Variants in SCAP observed in about 807,000 individuals in gnomAD.
SCAP encodes sterol regulatory element-binding protein cleavage-activating protein.
SCAP carries 65 observed loss-of-function variants against 123.6 expected under a neutral mutation model. That is an observed-to-expected ratio of 0.53 (90% CI 0.43 to 0.65). SCAP has a LOEUF of 0.65. SCAP is among the 30% of genes least tolerant of loss of function. SCAP has a pLI of 0.00. For synonymous variants in SCAP, 740 were observed against 726.3 expected (o/e 1.02, Z -0.30); for missense variants, 1,398 against 1,712.5 (o/e 0.82, Z 3.24).
intron 3 of SCAP, 65 bp downstream of exon 3, chr3:47,434,943 C>A: frequency 6.2e-7 from 1 of 1,604,934 alleles, no homozygotes; most frequent in Non-Finnish European, 8.5e-7. Flanking sequence ...CACTGGCAGA[C>A]CCCTGCCTCA....
intron 1 of SCAP, among the ~76,000 whole-genome samples, chr3:47,450,981 G>A (rs1157373412): frequency 8.3e-6 from 1 of 120,530 alleles, no homozygotes; most frequent in African/African-American, 2.8e-5. Flanking sequence ...CGTGTAGCTA[G>A]GATTACAGGC....
chr3:47,416,183 T>C (rs1351110268), intron 18 of SCAP, among the ~76,000 whole-genome samples: 1 of 152,142 alleles, frequency 6.6e-6, no homozygotes, highest in African/African-American at 2.4e-5. Context: ...GAGGAGCCAG[T>C]GTGGGACAGG....
intron 2 of SCAP, among the ~76,000 whole-genome samples, chr3:47,438,073 T>G (rs1432023818): frequency 2.6e-5 from 4 of 152,218 alleles, no homozygotes; most frequent in Non-Finnish European, 4.4e-5. Context: ...CAGTGGTATC[T>G]CAGCATGGTT....
intron 1 of SCAP, among the ~76,000 whole-genome samples, chr3:47,467,599 T>A (rs1406512096): frequency 6.7e-6 from 1 of 148,328 alleles, no homozygotes; most frequent in Non-Finnish European, 1.5e-5. Flanking sequence ...GAAGACCCCG[T>A]CTCAAGAAAA....
In SCAP at chr3:47,428,499, C is replaced by G. The variant is rs374777441; in HGVS notation, c.410+14G>C. On this transcript the variant is annotated intron_variant, in intron 4 of 22. Transcript: ENST00000265565. The stretch of plus-strand genomic sequence containing the variant: ...AATGGGATTCAGGGAGGCCAGGGTC[C>G]CTGAGAGGGGTACCTGTCTCTCAGC... 4 of 1,613,014 alleles carry G rather than the reference C, an allele frequency of 2.5e-6. No individual in the cohort carries two copies. In the African/African-American group the frequency reaches 4.0e-5, roughly 16 times the overall value.
In SCAP at chr3:47,420,319, A is replaced by G. The variant is rs1705835597; in HGVS notation, c.1563+235T>C. 1.3e-5 allele frequency among the ~76,000 whole-genome samples: 2 copies of G among 152,226 alleles called. No homozygotes were observed. Among genetic ancestry groups the G allele is most frequent in the East Asian group, 3.9e-4 (2 of 5,182 alleles). Reference sequence around the variant, plus strand: ...TGTCCTGGGCCACTCTGGGGAGAGGATGGCTCCTGTACCTGAGAACCCTGG... The same window carrying G: ...TGTCCTGGGCCACTCTGGGGAGAGGGTGGCTCCTGTACCTGAGAACCCTGG... On this transcript the variant is annotated intron_variant, in intron 12 of 22. Transcript: ENST00000265565. This position sits in a 1 kb window ranked among gnomAD's most constrained non-coding sequence, Gnocchi z 5.0.
At chr3:47,415,946 G>A (rs1705551374) in intron 18 of SCAP, among the ~76,000 whole-genome samples, 2 of 152,208 alleles carry the variant, frequency 1.3e-5, no homozygotes, top group South Asian at 4.1e-4. Context: ...AAAACAAGCA[G>A]CAAAGGAGAA....
chr3:47,444,250 C>T (rs1189913641), intron 1 of SCAP, among the ~76,000 whole-genome samples: 2 of 152,224 alleles, frequency 1.3e-5, no homozygotes, highest in Non-Finnish European at 2.9e-5. Flanking sequence ...CTGTTTTCTT[C>T]GGTCTGTGCT....
In SCAP at chr3:47,423,928, G is replaced by GT; in HGVS notation, c.1150+4dup. On this transcript the variant is annotated splice_donor_region_variant and intron_variant, in intron 9 of 22. Coordinates refer to ENST00000265565, the MANE Select transcript of SCAP (RefSeq NM_012235.4). ...GCCCTCTGCCCAACTCTCCCACTGC[G>GT]TTACCTTGGGCGATCCGCAGCTTCA... 6.2e-7 allele frequency: 1 copy of GT among 1,609,616 alleles called. No individual in the cohort carries two copies. Among genetic ancestry groups the GT allele is most frequent in the South Asian group, 1.1e-5 (1 of 90,996 alleles).
Position 47,419,158 on chromosome 3 carries a change from G to T in SCAP, c.1940+170C>A, listed in dbSNP as rs922986017. 2.0e-5 allele frequency among the ~76,000 whole-genome samples: 3 copies of T among 152,188 alleles called. No homozygotes were observed. Among genetic ancestry groups the T allele is most frequent in the African/African-American group, 7.2e-5 (3 of 41,426 alleles). ...ACCAGTGACTCCTCAGAGCAACCTG[G>T]GACTCCTCTCTTGGGTTATAGCTGC... On this transcript the variant is annotated intron_variant, in intron 13 of 22. Transcript: ENST00000265565. The surrounding 1 kb of genome is among the most constrained non-coding windows in gnomAD (Gnocchi z 5.0).
In SCAP at chr3:47,417,262, G is replaced by A. The variant is rs1281289574; in HGVS notation, c.2970+42C>T. 6.8e-6 allele frequency: 11 copies of A among 1,612,146 alleles called. No individual in the cohort carries two copies. In the Admixed American group the frequency reaches 1.2e-4, roughly 17 times the overall value. On this transcript the variant is annotated intron_variant, in intron 17 of 22. Transcript: ENST00000265565. ...CAGCCAGAAAGGCCCACAATCCCCG[G>A]GGCGGACAGCCGCTCTGCCCACCTT...
In SCAP at chr3:47,414,656, G is replaced by A. The variant is rs374183763; in HGVS notation, c.3307-4C>T. On this transcript the variant is annotated splice_region_variant and splice_polypyrimidine_tract_variant and intron_variant, in intron 20 of 22. Coordinates refer to ENST00000265565, the MANE Select transcript of SCAP (RefSeq NM_012235.4). ...ACGAGTCCTCCAGACGGAACACCTG[G>A]GACAGGGATGGGCCTCAGGTTCTGG... The A allele has an allele frequency of 2.7e-5, 43 of 1,613,088 alleles. No individual in the cohort carries two copies. In the African/African-American group the frequency reaches 4.7e-4, roughly 18 times the overall value.
intron 3 of SCAP, among the ~76,000 whole-genome samples, chr3:47,430,211 C>A (rs1050024873): frequency 6.6e-6 from 1 of 152,312 alleles, no homozygotes; most frequent in Middle Eastern, 3.4e-3. Flanking sequence ...AGGCATTGTG[C>A]CTGCCTAGAG....
At chr3:47,464,500 A>G (rs1295570661) in intron 1 of SCAP, among the ~76,000 whole-genome samples, 1 of 152,196 alleles carries the variant, frequency 6.6e-6, no homozygotes, top group Non-Finnish European at 1.5e-5. Context: ...AGAATGAAGG[A>G]GAAAAACAAT....
chr3:47,423,690 AG>A (rs955850776), intron 9 of SCAP, among the ~76,000 whole-genome samples: 2 of 152,222 alleles, frequency 1.3e-5, no homozygotes, highest in African/African-American at 4.8e-5. Flanking sequence ...CATGGCACCC[AG>A]CCTGGTTTAC....
chr3:47,418,166 G>A lies in SCAP; in HGVS notation c.2415C>T (p.Thr805=), dbSNP rs1306594414. The part of the protein sequence containing the change: ...AGHVCVWDAQ[T]GDCLTRIPRP... ...GCGGAATGCGCGTTAGGCAATCCCCGGTCTGCGCGTCCCACACGCAGACGT... is the reference window on the plus strand; with the variant it reads ...GCGGAATGCGCGTTAGGCAATCCCCAGTCTGCGCGTCCCACACGCAGACGT... Residue 805 remains threonine (T), a synonymous_variant, in exon 16 of 23, where the codon ACC becomes ACT. Transcript: ENST00000265565. 48 of 1,571,184 alleles carry A rather than the reference G, an allele frequency of 3.1e-5. No homozygotes were observed. In the East Asian group the frequency reaches 4.0e-4, roughly 13 times the overall value.
intron 1 of SCAP, among the ~76,000 whole-genome samples, chr3:47,460,582 T>C (rs1048221671): frequency 2.0e-5 from 3 of 152,170 alleles, no homozygotes; most frequent in Admixed American, 6.6e-5. Context: ...AGACAGAGTC[T>C]CACTCTGTCC....
chr3:47,449,966 C>T (rs1482858362), intron 1 of SCAP, among the ~76,000 whole-genome samples: 1 of 124,956 alleles, frequency 8.0e-6, no homozygotes, highest in African/African-American at 2.7e-5. Flanking sequence ...TGATAATCTT[C>T]CTACATTTCA....
chr3:47,467,518 T>C (rs1202147896), intron 1 of SCAP, among the ~76,000 whole-genome samples: 1 of 151,518 alleles, frequency 6.6e-6, no homozygotes, highest in African/African-American at 2.4e-5. Flanking sequence ...GGTGGGAGGA[T>C]CACTTGGGAC....
Sources: gnomAD v4.1 joint callset for allele counts (sites outside exome capture counted in the v4.1 genomes callset) on GRCh38, gnomAD v4.1.1 for gene constraint, Gnocchi (gnomAD v3.1) non-coding constraint, MANE v1.5 for transcripts, NCBI Gene and HGNC (gene_info 2026-07-23, HGNC 2026-07-21) for gene names.